DNAI4: variants seen among roughly 807,000 people sequenced by gnomAD.
The protein encoded by DNAI4 is dynein axonemal intermediate chain 4.
Under a neutral mutation model 105.8 loss-of-function variants are expected in DNAI4, and 85 were observed. The observed-to-expected ratio is 0.80, with a 90% CI of 0.67 to 0.96. DNAI4 has a LOEUF of 0.96. DNAI4 is among the 40% of genes least tolerant of loss of function. DNAI4 has a pLI of 0.00. For synonymous variants in DNAI4, 352 were observed against 331.5 expected (o/e 1.06, Z -0.67); for missense variants, 1,014 against 1,005.6 (o/e 1.01, Z -0.11).
intron 16 of DNAI4, among the ~76,000 whole-genome samples, chr1:66,818,126 T>A (rs1385707867): frequency 2.6e-5 from 4 of 152,068 alleles, no homozygotes; most frequent in Middle Eastern, 6.8e-3. Context: ...ATTATATATA[T>A]GAGAATTTGC....
At chr1:66,898,244 AT>A (rs1162392660) in intron 2 of DNAI4, among the ~76,000 whole-genome samples, 1 of 152,062 alleles carries the variant, frequency 6.6e-6, no homozygotes, top group African/African-American at 2.4e-5. Flanking sequence ...GTTTGTTTTG[AT>A]TTCACAGGCT....
chr1:66,865,986 G>A (rs772494072), intron 6 of DNAI4, among the ~76,000 whole-genome samples: 1 of 152,086 alleles, frequency 6.6e-6, no homozygotes, highest in Non-Finnish European at 1.5e-5. Flanking sequence ...AACTATGGAG[G>A]CCTACTGAAA....
intron 1 of DNAI4, among the ~76,000 whole-genome samples, chr1:66,912,203 C>T (rs1051170224): frequency 4.6e-5 from 7 of 152,144 alleles, no homozygotes; most frequent in East Asian, 3.9e-4. Context: ...AGAATGAAGC[C>T]GGGCACGGTG....
intron 6 of DNAI4, 97 bp from the exon 7 acceptor site, chr1:66,862,399 T>C (rs1646646635): frequency 2.3e-6 from 3 of 1,294,498 alleles, no homozygotes; most frequent in African/African-American, 1.5e-5. Context: ...AAGATAAGAA[T>C]ATCTACTATT....
At position 66,855,847 on chromosome 1, in the gene DNAI4, T is replaced by C. The variant is rs966143925; in HGVS notation, c.1096+6300A>G. On this transcript the variant is annotated intron_variant, in intron 7 of 16. Coordinates refer to ENST00000371026, the MANE Select transcript of DNAI4 (RefSeq NM_024763.5). The stretch of plus-strand genomic sequence containing the variant: ...AGGTTTGTTGCAGTTGTTGTTGTTG[T>C]TTTGAGACAGAGTTTCACTCTTGGT... Among the ~76,000 whole-genome samples the C allele has an allele frequency of 2.6e-5, 4 of 152,224 alleles. No individual in the cohort carries two copies. In the South Asian group the frequency reaches 8.3e-4, roughly 32 times the overall value.
rs1553227588 is a variant in DNAI4, at chr1:66,893,034, G to GAGGAAA, written c.530+194_530+195insTTTCCT. On this transcript the variant is annotated intron_variant, in intron 3 of 16. Transcript: ENST00000371026. Reference sequence around the variant, plus strand: ...GAGAGGAAAGAAAGAAAGAAAGAGAGGAAAGAAAGAAAGAAAGAAAGAGAG... The same window carrying GAGGAAA: ...GAGAGGAAAGAAAGAAAGAAAGAGAGAGGAAAGAAAGAAAGAAAGAAAGAAAGAGAG... 1.4e-4 allele frequency among the ~76,000 whole-genome samples: 13 copies of GAGGAAA among 91,136 alleles called. 1 individual carries two copies. Among genetic ancestry groups the GAGGAAA allele is most frequent in the African/African-American group, 5.7e-4 (12 of 20,978 alleles). The allele number at this position is 91,136 out of a possible 152,430, so 59.8% of individuals were successfully genotyped here. A position where few individuals can be genotyped will look rare whatever the true frequency, so the allele number is the denominator to read the frequency against.
chr1:66,824,894 T>C (rs1645716612), intron 15 of DNAI4, among the ~76,000 whole-genome samples: 1 of 152,182 alleles, frequency 6.6e-6, no homozygotes, highest in Admixed American at 6.5e-5. Flanking sequence ...AAGAATGATA[T>C]CCACCAAAGT....
At chr1:66,916,226 A>G (rs1650065007) in intron 1 of DNAI4, among the ~76,000 whole-genome samples, 2 of 152,298 alleles carry the variant, frequency 1.3e-5, no homozygotes, top group South Asian at 4.1e-4. Context: ...ACAAAAGAGG[A>G]TTTATTTTAA....
chr1:66,828,426 C>T (rs1232665907), intron 13 of DNAI4: 1 of 152,128 alleles, frequency 6.6e-6, no homozygotes, highest in African/African-American at 2.4e-5. Context: ...TGATCTGACT[C>T]ACATTCTCTT....
At position 66,833,572 on chromosome 1, in the gene DNAI4, T is replaced by C; in HGVS notation, c.2013+13A>G. 1 of 1,611,182 alleles carries C rather than the reference T, an allele frequency of 6.2e-7. No homozygotes were observed. The highest frequency in any genetic ancestry group is 8.5e-7 in the Non-Finnish European group (1 of 1,178,828). On this transcript the variant is annotated intron_variant, in intron 13 of 16. Coordinates refer to ENST00000371026, the MANE Select transcript of DNAI4 (RefSeq NM_024763.5). ...TGTTATGTCCAGTGGTAAATAAGAG[T>C]GAAATAATTTACCTTGGGATGAAAA...
Position 66,813,973 on chromosome 1 carries a change from C to A in DNAI4, c.*157G>T. On this transcript the variant is annotated 3_prime_UTR_variant, in exon 17 of 17. Transcript: ENST00000371026. ...CTTAGATTGTAAACTAATCAAATAT[C>A]TCTGAAATAAAAGTTTATTAAATTT... 4 of 547,390 alleles carry A rather than the reference C, an allele frequency of 7.3e-6. No homozygotes were observed. The highest frequency in any genetic ancestry group is 3.1e-5 in the South Asian group (1 of 32,390). 33.9% of individuals were successfully genotyped at this position (547,390 alleles called of 1,614,324 possible).
intron 1 of DNAI4, among the ~76,000 whole-genome samples, chr1:66,905,918 C>CCT (rs1649208105): frequency 8.3e-5 from 8 of 96,404 alleles, no homozygotes; most frequent in African/African-American, 3.2e-4. Context: ...TTATATACTA[C>CCT]TTTTTTTTTT....
chr1:66,849,350 T>A (rs1292554757), intron 7 of DNAI4, among the ~76,000 whole-genome samples: 1 of 151,986 alleles, frequency 6.6e-6, no homozygotes, highest in African/African-American at 2.4e-5. Flanking sequence ...TCATTGGAGG[T>A]CAAGTGGCAA....
At position 66,861,446 on chromosome 1, in the gene DNAI4, A is replaced by G. The variant is rs990822082; in HGVS notation, c.1096+701T>C. Among the ~76,000 whole-genome samples, 3 of 152,228 alleles carry G rather than the reference A, an allele frequency of 2.0e-5. No individual in the cohort carries two copies. The East Asian group carries it at 5.8e-4, about 29-fold the overall frequency. ...ATAAACTATTCAGAAGTGGAATTGA[A>G]CAAACTTCTCATAACTAGACTTAGT... On this transcript the variant is annotated intron_variant, in intron 7 of 16. Transcript: ENST00000371026.
chr1:66,893,226 T>C lies in DNAI4; in HGVS notation c.530+3A>G. Reference sequence around the variant, plus strand: ...AAAGGAACTATATAATAGTATACTCTACCTTGTAAACTGCCCTAACGTACT... The same window carrying C: ...AAAGGAACTATATAATAGTATACTCCACCTTGTAAACTGCCCTAACGTACT... On this transcript the variant is annotated splice_donor_region_variant and intron_variant, in intron 3 of 16. Transcript: ENST00000371026. 1.3e-6 allele frequency: 2 copies of C among 1,531,640 alleles called. No homozygotes were observed. Among genetic ancestry groups the C allele is most frequent in the Non-Finnish European group, 1.8e-6 (2 of 1,136,898 alleles). The allele number at this position is 1,531,640 out of a possible 1,614,324, so 94.9% of individuals were successfully genotyped here. A position where few individuals can be genotyped will look rare whatever the true frequency, so the allele number is the denominator to read the frequency against.
intron 5 of DNAI4, among the ~76,000 whole-genome samples, chr1:66,872,796 C>T (rs1288096560): frequency 1.3e-5 from 2 of 151,990 alleles, no homozygotes; most frequent in Non-Finnish European, 2.9e-5. Context: ...CTCACTGCAA[C>T]CTTCCCCTCC....
intron 4 of DNAI4, among the ~76,000 whole-genome samples, chr1:66,880,291 C>A (rs777441211): frequency 6.6e-6 from 1 of 152,184 alleles, no homozygotes; most frequent in Non-Finnish European, 1.5e-5. Context: ...AATGTGGAAG[C>A]AACTTTGGAA....
At chr1:66,883,619 A>G (rs1047411989) in intron 4 of DNAI4, among the ~76,000 whole-genome samples, 1 of 152,108 alleles carries the variant, frequency 6.6e-6, no homozygotes, top group Non-Finnish European at 1.5e-5. Context: ...AAGTAAGCCT[A>G]GTTTCATTTT....
At chr1:66,907,640 A>C (rs1031377967) in intron 1 of DNAI4, among the ~76,000 whole-genome samples, 1 of 152,210 alleles carries the variant, frequency 6.6e-6, no homozygotes, top group Admixed American at 6.5e-5. Flanking sequence ...CATCCTCTGA[A>C]GATTTCATAT....
Sources: allele counts gnomAD v4.1 joint callset (sites outside exome capture counted in the v4.1 genomes callset), GRCh38; gene constraint gnomAD v4.1.1; transcripts MANE v1.5; gene names NCBI Gene and HGNC (gene_info 2026-07-23, HGNC 2026-07-21).